Variants in BCAR3 observed in about 807,000 individuals in gnomAD.
BCAR3 encodes the protein BCAR3 adaptor protein, NSP family member.
Under a neutral mutation model 80.1 loss-of-function variants are expected in BCAR3, and 37 were observed. That is an observed-to-expected ratio of 0.46 (90% CI 0.36 to 0.61). The LOEUF is 0.61. Ranked by LOEUF, BCAR3 falls within the 20% of genes least tolerant of loss-of-function variation. The pLI, the probability that BCAR3 is intolerant of heterozygous loss-of-function variation, is 0.00. For synonymous variants in BCAR3, 389 were observed against 418.9 expected, an observed-to-expected ratio of 0.93 and a Z score of 0.87; for missense variants, 978 against 1,068.2, an observed-to-expected ratio of 0.92 and a Z score of 1.18.
chr1:93,846,706 G>C, intron 1 of BCAR3: 1 of 352,268 alleles, frequency 2.8e-6, no homozygotes, highest in Non-Finnish European at 5.6e-6. Context: ...CACGCGTGCT[G>C]ACACCCTCCC....
chr1:93,691,881 G>A (rs376246765), intron 3 of BCAR3, among the ~76,000 whole-genome samples: 14 of 152,232 alleles, frequency 9.2e-5, no homozygotes, highest in Non-Finnish European at 1.6e-4. Flanking sequence ...AGGGGTGTAC[G>A]ATCCCACACC....
At chr1:93,662,529 T>C (rs577783652) in intron 2 of BCAR3, among the ~76,000 whole-genome samples, 2 of 152,312 alleles carry the variant, frequency 1.3e-5, no homozygotes, top group African/African-American at 4.8e-5. Flanking sequence ...TTGTCATTCA[T>C]GTATGTGATC....
chr1:93,569,429 G>C (rs1673113440), intron 9 of BCAR3, among the ~76,000 whole-genome samples: 1 of 152,220 alleles, frequency 6.6e-6, no homozygotes, highest in South Asian at 2.1e-4. Flanking sequence ...CCTTCCTCCT[G>C]CTGCCCACCA....
chr1:93,590,795 A>C (rs1379442407), intron 4 of BCAR3, among the ~76,000 whole-genome samples: 1 of 152,232 alleles, frequency 6.6e-6, no homozygotes, highest in Non-Finnish European at 1.5e-5. Context: ...TATTGGTCAG[A>C]GTATTAGAAA....
At chr1:93,597,689 C>T (rs1674471165) in intron 3 of BCAR3, among the ~76,000 whole-genome samples, 1 of 152,238 alleles carries the variant, frequency 6.6e-6, no homozygotes, top group African/African-American at 2.4e-5. Flanking sequence ...CAGGATGCTA[C>T]TAATCTGTTT....
At chr1:93,810,893 A>C (rs1653819388) in intron 2 of BCAR3, among the ~76,000 whole-genome samples, 6 of 152,210 alleles carry the variant, frequency 3.9e-5, no homozygotes, top group Admixed American at 3.9e-4. Flanking sequence ...ACAGATGAGA[A>C]ACCAAGACCC....
chr1:93,751,535 A>G (rs1467269226), intron 2 of BCAR3, among the ~76,000 whole-genome samples: 4 of 152,168 alleles, frequency 2.6e-5, no homozygotes, highest in Non-Finnish European at 5.9e-5. Context: ...CTCGGGCTCA[A>G]ACAGCCATGT....
intron 2 of BCAR3, among the ~76,000 whole-genome samples, chr1:93,666,951 T>C (rs559853907): frequency 1.3e-5 from 2 of 152,208 alleles, no homozygotes; most frequent in South Asian, 2.1e-4. Context: ...GCTCTAGCCT[T>C]CCAGGAGGAA....
intron 2 of BCAR3, among the ~76,000 whole-genome samples, chr1:93,819,262 C>T (rs1654121636): frequency 6.6e-6 from 1 of 152,196 alleles, no homozygotes; most frequent in African/African-American, 2.4e-5. Flanking sequence ...GACGGGGTTT[C>T]ACCACGTTGG....
intron 2 of BCAR3, among the ~76,000 whole-genome samples, chr1:93,729,335 C>T (rs1260264665): frequency 6.6e-6 from 1 of 151,940 alleles, no homozygotes; most frequent in African/African-American, 2.4e-5. Flanking sequence ...AGTATAAAGC[C>T]TATTTTATAA....
At chr1:93,664,784 T>C (rs1647821866) in intron 2 of BCAR3, among the ~76,000 whole-genome samples, 1 of 152,220 alleles carries the variant, frequency 6.6e-6, no homozygotes, top group Non-Finnish European at 1.5e-5. Flanking sequence ...AGTATGTCTC[T>C]TGGCAGGCAG....
intron 3 of BCAR3, among the ~76,000 whole-genome samples, chr1:93,610,334 TGCCAGTG>T (rs1195699100): frequency 2.0e-5 from 3 of 152,220 alleles, no homozygotes; most frequent in Non-Finnish European, 2.9e-5. Context: ...CTCCTGCAAA[TGCCAGTG>T]GCTTTTCTAT....
intron 3 of BCAR3, among the ~76,000 whole-genome samples, chr1:93,700,958 C>T (rs1158513452): frequency 6.6e-6 from 1 of 152,244 alleles, no homozygotes; most frequent in African/African-American, 2.4e-5. Flanking sequence ...CAGCGGACCT[C>T]ACCAGGTGGG....
chr1:93,702,349 A>G (rs181708291), intron 3 of BCAR3, among the ~76,000 whole-genome samples: 120 of 152,324 alleles, frequency 7.9e-4, no homozygotes, highest in African/African-American at 2.7e-3. Flanking sequence ...CACATGGGCC[A>G]CAGAGGAGTC....
At chr1:93,829,509 T>G (rs978517718) in intron 2 of BCAR3, among the ~76,000 whole-genome samples, 1 of 152,136 alleles carries the variant, frequency 6.6e-6, no homozygotes, top group African/African-American at 2.4e-5. Flanking sequence ...GAAATGGTTT[T>G]GGGGCTGCTT....
chr1:93,838,709 G>A (rs1018975578), intron 2 of BCAR3, among the ~76,000 whole-genome samples: 1 of 152,122 alleles, frequency 6.6e-6, no homozygotes, highest in African/African-American at 2.4e-5. Flanking sequence ...CAATTACACT[G>A]TCAGGGATCC....
At chr1:93,846,735 C>T in intron 1 of BCAR3, 2 of 381,920 alleles carry the variant, frequency 5.2e-6, no homozygotes, top group South Asian at 3.9e-5. Context: ...CCCACGCAGT[C>T]GCGGGCCCCG....
chr1:93,725,580 T>C (rs897085962), intron 2 of BCAR3, among the ~76,000 whole-genome samples: 2 of 152,242 alleles, frequency 1.3e-5, no homozygotes, highest in African/African-American at 4.8e-5. Context: ...AGTTTGGGGT[T>C]TGTTTTTTCT....
intron 2 of BCAR3, among the ~76,000 whole-genome samples, chr1:93,660,464 T>C (rs894169771): frequency 2.0e-5 from 3 of 152,198 alleles, no homozygotes; most frequent in African/African-American, 7.2e-5. Context: ...GAGTTTACCA[T>C]AGGGCCATTT....
Sources: allele counts gnomAD v4.1 joint callset (sites outside exome capture counted in the v4.1 genomes callset), GRCh38; gene constraint gnomAD v4.1.1; transcripts MANE v1.5; gene names NCBI Gene and HGNC (gene_info 2026-07-23, HGNC 2026-07-21).